UBE2O: variants seen among roughly 807,000 people sequenced by gnomAD.
The protein encoded by UBE2O is ubiquitin conjugating enzyme E2 O.
Under a neutral mutation model 125.8 loss-of-function variants are expected in UBE2O, and 15 were observed. The ratio of observed to expected loss-of-function variants is 0.12; its 90% confidence interval spans 0.08 to 0.18. The LOEUF is 0.18. Among genes scored for constraint, UBE2O ranks in the 10% least tolerant of loss-of-function variants. The pLI is 1.00. For synonymous variants in UBE2O, 708 were observed against 703.2 expected (o/e 1.01, Z -0.11); for missense variants, 1,280 against 1,723.6 (o/e 0.74, Z 4.56).
intron 5 of UBE2O, among the ~76,000 whole-genome samples, chr17:76,401,454 C>T: frequency 6.6e-6 from 1 of 152,228 alleles, no homozygotes; most frequent in Non-Finnish European, 1.5e-5. Flanking sequence ...TTTGCTCACG[C>T]ACCCCCTGTA....
chr17:76,439,072 G>GCA (rs1301998212), intron 1 of UBE2O, among the ~76,000 whole-genome samples: 12 of 152,170 alleles, frequency 7.9e-5, no homozygotes, highest in African/African-American at 1.2e-4. Context: ...CCAAAGACCT[G>GCA]CACACACACA....
At chr17:76,393,008 A>T (rs2072141322) in intron 15 of UBE2O, among the ~76,000 whole-genome samples, 1 of 151,830 alleles carries the variant, frequency 6.6e-6, no homozygotes, top group South Asian at 2.1e-4. Flanking sequence ...CTGTAATCCC[A>T]GCACTTTTGG....
At chr17:76,447,081 C>T (rs552936771) in intron 1 of UBE2O, among the ~76,000 whole-genome samples, 3 of 152,330 alleles carry the variant, frequency 2.0e-5, no homozygotes, top group Admixed American at 2.0e-4. Flanking sequence ...CTGTGCCTCT[C>T]TCCTTCCTCA....
rs772952635 is a variant in UBE2O, at chr17:76,402,594, G to T, written c.686+8C>A. The stretch of plus-strand genomic sequence containing the variant: ...CAAGCCGATGGCTCTCTGGTGGTGA[G>T]ACTCTACCTGGCGCCGTTGGATAGC... On this transcript the variant is annotated splice_region_variant and intron_variant, in intron 4 of 17. Transcript: ENST00000319380. The surrounding 1 kb of genome is among the most constrained non-coding windows in gnomAD (Gnocchi z 5.4). 1.2e-6 allele frequency: 2 copies of T among 1,612,942 alleles called. No homozygotes were observed. Among genetic ancestry groups the T allele is most frequent in the Non-Finnish European group, 1.7e-6 (2 of 1,178,960 alleles).
In UBE2O at chr17:76,399,293, AC is replaced by A. The variant is rs1161628990; in HGVS notation, c.1628+155del. ...CAGTCTCTGCTTTCCACCAGGGCCT[AC>A]CCCAGGCACCTACGTTGTCTCGGGT... On this transcript the variant is annotated intron_variant, in intron 9 of 17. Transcript: ENST00000319380. The surrounding 1 kb of genome is among the most constrained non-coding windows in gnomAD (Gnocchi z 6.9). 16 of 810,128 alleles carry A rather than the reference AC, an allele frequency of 2.0e-5. No individual in the cohort carries two copies. The highest frequency in any genetic ancestry group is 2.9e-5 in the Non-Finnish European group (15 of 515,852). 50.2% of individuals were successfully genotyped at this position (810,128 alleles called of 1,614,324 possible). A position where few individuals can be genotyped will look rare whatever the true frequency, so the allele number is the denominator to read the frequency against.
intron 1 of UBE2O, among the ~76,000 whole-genome samples, chr17:76,421,789 G>A (rs548269025): frequency 4.6e-5 from 7 of 152,332 alleles, no homozygotes; most frequent in African/African-American, 1.7e-4. Flanking sequence ...CTTTCATGGA[G>A]TAAATGCCAC....
chr17:76,399,023 A>T lies in UBE2O; in HGVS notation c.1629-32T>A, dbSNP rs765676711. The T allele has an allele frequency of 6.2e-7, 1 of 1,609,698 alleles. No individual in the cohort carries two copies. The highest frequency in any genetic ancestry group is 8.5e-7 in the Non-Finnish European group (1 of 1,178,096). On this transcript the variant is annotated intron_variant, in intron 9 of 17. Transcript: ENST00000319380. This position sits in a 1 kb window ranked among gnomAD's most constrained non-coding sequence, Gnocchi z 6.9. ...GTGCAGGCCAGTCAGCAGGCCATGC[A>T]AACCCCACCCCCTCCGCGGAAAGGG...
At chr17:76,416,808 GCAA>G (rs1178071798) in intron 1 of UBE2O, among the ~76,000 whole-genome samples, 1 of 152,144 alleles carries the variant, frequency 6.6e-6, no homozygotes, top group Admixed American at 6.5e-5. Context: ...AGGCACAACA[GCAA>G]CAAGCAGCTC....
Position 76,452,694 on chromosome 17 carries a change from GC to G in UBE2O, c.417+30del. The G allele has an allele frequency of 7.4e-7, 1 of 1,350,664 alleles. No individual in the cohort carries two copies. Among genetic ancestry groups the G allele is most frequent in the East Asian group, 3.1e-5 (1 of 32,200 alleles). The allele number at this position is 1,350,664 out of a possible 1,614,324, so 83.7% of individuals were successfully genotyped here. A position where few individuals can be genotyped will look rare whatever the true frequency, so the allele number is the denominator to read the frequency against. On this transcript the variant is annotated intron_variant, in intron 1 of 17. Coordinates refer to ENST00000319380, the MANE Select transcript of UBE2O (RefSeq NM_022066.4). This position sits in a 1 kb window ranked among gnomAD's most constrained non-coding sequence, Gnocchi z 4.4. ...TCGGCCCGGCCGCCGACCCCCTGCC[GC>G]CCGCGCCGCCCAGCCCCCGCCCGCC...
chr17:76,407,229 A>G (rs1401830896), intron 1 of UBE2O, among the ~76,000 whole-genome samples: 1 of 152,136 alleles, frequency 6.6e-6, no homozygotes, highest in Non-Finnish European at 1.5e-5. Context: ...TGGCCCTGTG[A>G]GCTGCAGGGT....
chr17:76,417,529 G>C (rs2072635536), intron 1 of UBE2O, among the ~76,000 whole-genome samples: 1 of 152,174 alleles, frequency 6.6e-6, no homozygotes, highest in Non-Finnish European at 1.5e-5. Flanking sequence ...TTGTTAATAT[G>C]GTCAAAATTC....
intron 15 of UBE2O, among the ~76,000 whole-genome samples, chr17:76,393,887 G>A (rs182001457): frequency 2.6e-3 from 393 of 152,378 alleles, no homozygotes; most frequent in Non-Finnish European, 3.3e-3. Context: ...GGGAACCTCT[G>A]CACATGCTCT....
Position 76,405,154 on chromosome 17 carries a change from C to A in UBE2O, c.588+52G>T. On this transcript the variant is annotated intron_variant, in intron 3 of 17. Coordinates refer to ENST00000319380, the MANE Select transcript of UBE2O (RefSeq NM_022066.4). The surrounding 1 kb of genome is among the most constrained non-coding windows in gnomAD (Gnocchi z 6.1). The stretch of plus-strand genomic sequence containing the variant: ...GGCTGTAGCCCAGAGGTCGTGCCGC[C>A]GAGAGAACCAGAGGGCCCAGAAAGG... 2 of 1,412,882 alleles carry A rather than the reference C, an allele frequency of 1.4e-6. No individual in the cohort carries two copies. The highest frequency in any genetic ancestry group is 2.0e-6 in the Non-Finnish European group (2 of 1,020,036). 87.5% of individuals were successfully genotyped at this position (1,412,882 alleles called of 1,614,324 possible). A position where few individuals can be genotyped will look rare whatever the true frequency, so the allele number is the denominator to read the frequency against.
Position 76,453,001 on chromosome 17 carries a change from G to A in UBE2O, c.141C>T (p.Ser47=). ...APASDSASGP[S]SDSGPEAGSQ... is the part of the protein sequence containing the mutation. Reference sequence around the variant, plus strand: ...AGCCGGCTTCTGGGCCGGAGTCCGAGGACGGCCCGGAGGCCGAGTCCGAGG... The same window carrying A: ...AGCCGGCTTCTGGGCCGGAGTCCGAAGACGGCCCGGAGGCCGAGTCCGAGG... Residue 47 remains serine, a synonymous_variant, in exon 1 of 18, where the codon TCC becomes TCT. Coordinates refer to ENST00000319380, the MANE Select transcript of UBE2O (RefSeq NM_022066.4). 6.7e-7 allele frequency: 1 copy of A among 1,487,928 alleles called. No homozygotes were observed. Among genetic ancestry groups the A allele is most frequent in the Non-Finnish European group, 8.9e-7 (1 of 1,119,086 alleles). 92.2% of individuals were successfully genotyped at this position (1,487,928 alleles called of 1,614,324 possible).
Position 76,400,696 on chromosome 17 carries a change from C to G in UBE2O, c.895-146G>C, listed in dbSNP as rs2072307269. ...AGTACAGACACATCAGAGCAGGCCC[C>G]AACTGTAACCACGGCCCCCACCCAA... On this transcript the variant is annotated intron_variant, in intron 6 of 17. Transcript: ENST00000319380. The surrounding 1 kb of genome is among the most constrained non-coding windows in gnomAD (Gnocchi z 4.3). The G allele has an allele frequency of 1.6e-6, 1 of 641,376 alleles. No individual in the cohort carries two copies. The highest frequency in any genetic ancestry group is 1.8e-5 in the African/African-American group (1 of 54,576). The allele number at this position is 641,376 out of a possible 1,614,324, so 39.7% of individuals were successfully genotyped here. A position where few individuals can be genotyped will look rare whatever the true frequency, so the allele number is the denominator to read the frequency against.
chr17:76,452,596 G>A lies in UBE2O; in HGVS notation c.417+129C>T, dbSNP rs2073270904. On this transcript the variant is annotated intron_variant, in intron 1 of 17. Coordinates refer to ENST00000319380, the MANE Select transcript of UBE2O (RefSeq NM_022066.4). The surrounding 1 kb of genome is among the most constrained non-coding windows in gnomAD (Gnocchi z 4.4). ...TTGCATGGAGTGTACCCTCCACTGG[G>A]GCTGTCCTCCCGCGTCGGCCACTGC... 1 of 856,370 alleles carries A rather than the reference G, an allele frequency of 1.2e-6. No individual in the cohort carries two copies. Among genetic ancestry groups the A allele is most frequent in the Non-Finnish European group, 1.6e-6 (1 of 630,420 alleles). The allele number at this position is 856,370 out of a possible 1,614,324, so 53.0% of individuals were successfully genotyped here.
intron 1 of UBE2O, among the ~76,000 whole-genome samples, chr17:76,445,482 C>T (rs2073137163): frequency 6.6e-6 from 1 of 152,132 alleles, no homozygotes; most frequent in Non-Finnish European, 1.5e-5. Context: ...TCCTTATTGC[C>T]CACTGAATAC....
rs1211359866 is a variant in UBE2O at position 76,398,236 on chromosome 17, C to T, written c.2025+19G>A. On this transcript the variant is annotated intron_variant, in intron 12 of 17. Transcript: ENST00000319380. The surrounding 1 kb of genome is among the most constrained non-coding windows in gnomAD (Gnocchi z 5.4). ...CAGGGCAGTGAGCAGCCATCCAGAACTTGAATTTGAAGGCGTACCTCATCC... is the reference window on the plus strand; with the variant it reads ...CAGGGCAGTGAGCAGCCATCCAGAATTTGAATTTGAAGGCGTACCTCATCC... 3.1e-6 allele frequency: 5 copies of T among 1,614,106 alleles called. No homozygotes were observed. The East Asian group carries it at 1.1e-4, about 36-fold the overall frequency.
At chr17:76,435,401 TACACACACACACACATACACACACACAC>T (rs888224610) in intron 1 of UBE2O, among the ~76,000 whole-genome samples, 5 of 96,848 alleles carry the variant, frequency 5.2e-5, no homozygotes, top group Admixed American at 2.6e-4. Context: ...AATATACAGA[TACACACACACACACATACACACACACAC>T]ACACACACAC....
Sources: allele counts gnomAD v4.1 joint callset (sites outside exome capture counted in the v4.1 genomes callset), GRCh38; gene constraint gnomAD v4.1.1; non-coding constraint Gnocchi (gnomAD v3.1); transcripts MANE v1.5; gene names NCBI Gene and HGNC (gene_info 2026-07-23, HGNC 2026-07-21).